Variants in NPAS3 observed in about 807,000 individuals in gnomAD.
NPAS3 encodes neuronal PAS domain-containing protein 3.
Under a neutral mutation model 73.1 loss-of-function variants are expected in NPAS3, and 14 were observed. That is an observed-to-expected ratio of 0.19 (90% CI 0.13 to 0.30). The LOEUF (loss-of-function observed/expected upper bound fraction) is 0.30. Ranked by LOEUF, NPAS3 falls within the 10% of genes least tolerant of loss-of-function variation. NPAS3 has a pLI of 1.00. For synonymous variants in NPAS3, 620 were observed against 541.5 expected, an observed-to-expected ratio of 1.14 and a Z score of -2.01; for missense variants, 1,096 against 1,250.0, an observed-to-expected ratio of 0.88 and a Z score of 1.86.
intron 2 of NPAS3, among the ~76,000 whole-genome samples, chr14:33,212,418 T>TA (rs919356899): frequency 1.3e-4 from 20 of 151,482 alleles, no homozygotes; most frequent in African/African-American, 4.4e-4. Flanking sequence ...GTGTTAGAGT[T>TA]AAAAAAAGAG....
At chr14:33,378,015 T>C (rs1039566770) in intron 4 of NPAS3, among the ~76,000 whole-genome samples, 1 of 152,188 alleles carries the variant, frequency 6.6e-6, no homozygotes, top group Non-Finnish European at 1.5e-5. Context: ...CAATGTAACA[T>C]AGGCTAGTGG....
chr14:33,342,331 C>T (rs2044525123), intron 3 of NPAS3, among the ~76,000 whole-genome samples: 1 of 152,206 alleles, frequency 6.6e-6, no homozygotes, highest in Non-Finnish European at 1.5e-5. Flanking sequence ...CTGCTTAAAC[C>T]TACCAGTGTA....
chr14:33,296,052 A>G (rs1384561670), intron 3 of NPAS3, among the ~76,000 whole-genome samples: 1 of 152,156 alleles, frequency 6.6e-6, no homozygotes, highest in Non-Finnish European at 1.5e-5. Flanking sequence ...AAAGACGAAG[A>G]CTCTCGGTTT....
At chr14:33,746,017 C>T (rs751098242) in intron 7 of NPAS3, among the ~76,000 whole-genome samples, 20 of 151,968 alleles carry the variant, frequency 1.3e-4, no homozygotes, top group African/African-American at 2.7e-4. Context: ...CTATATAGCC[C>T]GTAAGTCTCC....
intron 1 of NPAS3, among the ~76,000 whole-genome samples, chr14:33,027,497 A>G (rs1467786976): frequency 3.9e-5 from 6 of 152,158 alleles, no homozygotes; most frequent in African/African-American, 1.4e-4. Context: ...TACTCAGATT[A>G]GGTTAAGTTG....
chr14:33,318,031 T>C (rs938499675), intron 3 of NPAS3, among the ~76,000 whole-genome samples: 2 of 152,074 alleles, frequency 1.3e-5, no homozygotes, highest in African/African-American at 4.8e-5. Flanking sequence ...CTTGAAGAGA[T>C]GTTTGCAAAA....
chr14:33,186,748 T>G (rs1039948994), intron 2 of NPAS3, among the ~76,000 whole-genome samples: 3 of 152,210 alleles, frequency 2.0e-5, no homozygotes, highest in Non-Finnish European at 4.4e-5. Flanking sequence ...TGAATTTTTT[T>G]GTTTAGTGTG....
At chr14:33,667,146 T>C (rs1212876818) in intron 5 of NPAS3, among the ~76,000 whole-genome samples, 1 of 152,250 alleles carries the variant, frequency 6.6e-6, no homozygotes, top group Non-Finnish European at 1.5e-5. Context: ...TATATTTTTG[T>C]ACAAAGTATT....
Position 33,560,824 on chromosome 14 carries a change from C to G in NPAS3, c.558+614C>G, listed in dbSNP as rs549061506. The stretch of plus-strand genomic sequence containing the variant: ...AAAATGGAGGCTGATGGGCCAGGGA[C>G]AAAAATCCTGGATGTTACTTCTCGA... On this transcript the variant is annotated intron_variant, in intron 5 of 11. Coordinates refer to ENST00000356141, the Ensembl canonical transcript of NPAS3. 3.7e-4 allele frequency among the ~76,000 whole-genome samples: 56 copies of G among 152,108 alleles called. 1 individual carries two copies. The highest frequency in any genetic ancestry group is 7.2e-4 in the Non-Finnish European group (49 of 68,002).
At position 33,293,295 on chromosome 14, in the gene NPAS3, A is replaced by G. The variant is rs191598892; in HGVS notation, c.386-73891A>G. Among the ~76,000 whole-genome samples, 3 of 152,306 alleles carry G rather than the reference A, an allele frequency of 2.0e-5. No individual in the cohort carries two copies. The East Asian group carries it at 5.8e-4, about 29-fold the overall frequency. On this transcript the variant is annotated intron_variant, in intron 3 of 11. Coordinates refer to ENST00000356141, the Ensembl canonical transcript of NPAS3. ...GTATGGAAAGAGTTATTGTAAACTT[A>G]ATTTATAAGCAGAAAAAATAAAGGT...
intron 3 of NPAS3, among the ~76,000 whole-genome samples, chr14:33,245,921 G>A (rs1457586822): frequency 3.9e-5 from 2 of 51,322 alleles, no homozygotes; most frequent in Non-Finnish European, 8.5e-5. Context: ...GTTAGCAATA[G>A]GTGTTTTTTT....
At chr14:33,774,596 C>A in intron 8 of NPAS3, 66 bp downstream of exon 8, 1 of 1,319,018 alleles carries the variant, frequency 7.6e-7, no homozygotes, top group Non-Finnish European at 1.1e-6. Flanking sequence ...GTGTTTCAGC[C>A]GTCTGAAGGA....
chr14:33,134,054 T>A (rs898075764), intron 2 of NPAS3, among the ~76,000 whole-genome samples: 1 of 152,166 alleles, frequency 6.6e-6, no homozygotes. Flanking sequence ...TTCCTCTCTT[T>A]TGGAAATTCA....
At chr14:33,369,883 C>T (rs1001569506) in intron 4 of NPAS3, among the ~76,000 whole-genome samples, 3 of 152,126 alleles carry the variant, frequency 2.0e-5, no homozygotes, top group Non-Finnish European at 4.4e-5. Context: ...TCAACAATAT[C>T]GCAATGTTCA....
intron 4 of NPAS3, among the ~76,000 whole-genome samples, chr14:33,494,044 C>T (rs1247760977): frequency 6.6e-6 from 1 of 152,098 alleles, no homozygotes; most frequent in African/African-American, 2.4e-5. Flanking sequence ...AAATGATTAG[C>T]ATTCATACTA....
At chr14:33,166,587 T>C (rs2045162360) in intron 2 of NPAS3, among the ~76,000 whole-genome samples, 6 of 152,180 alleles carry the variant, frequency 3.9e-5, no homozygotes, top group Admixed American at 3.9e-4. Context: ...GCTTTCTGAA[T>C]TGAAGTGAAT....
At chr14:33,024,625 TA>T (rs2039736468) in intron 1 of NPAS3, among the ~76,000 whole-genome samples, 1 of 152,208 alleles carries the variant, frequency 6.6e-6, no homozygotes, top group African/African-American at 2.4e-5. Context: ...CGTATAATGT[TA>T]AGTGAAAACA....
intron 4 of NPAS3, among the ~76,000 whole-genome samples, chr14:33,413,184 CCT>C (rs2048002875): frequency 6.6e-6 from 1 of 151,788 alleles, no homozygotes; most frequent in Non-Finnish European, 1.5e-5. Context: ...GCTTTTTTTC[CCT>C]CTCTCATATG....
At chr14:33,090,548 G>T (rs539444242) in intron 2 of NPAS3, among the ~76,000 whole-genome samples, 1 of 152,186 alleles carries the variant, frequency 6.6e-6, no homozygotes, top group African/African-American at 2.4e-5. Context: ...CAATAATAAT[G>T]GGAGACTTCA....
Sources: allele counts gnomAD v4.1 joint callset (sites outside exome capture counted in the v4.1 genomes callset), GRCh38; gene constraint gnomAD v4.1.1; transcripts MANE v1.5; gene names NCBI Gene and HGNC (gene_info 2026-07-23, HGNC 2026-07-21).